ATP2B1: variants seen among roughly 807,000 people sequenced by gnomAD.
The protein encoded by ATP2B1 is plasma membrane calcium-transporting ATPase 1.
A neutral mutation model predicts 124.2 loss-of-function variants in ATP2B1; 14 were observed. That is an observed-to-expected ratio of 0.11 (90% confidence interval 0.07 to 0.18). ATP2B1 has a LOEUF of 0.18. ATP2B1 is among the 10% of genes least tolerant of loss of function. The pLI is 1.00. For missense variants in ATP2B1, 763 were observed against 1,466.1 expected, an observed-to-expected ratio of 0.52 and a Z score of 7.83; for synonymous variants, 449 against 492.4, an observed-to-expected ratio of 0.91 and a Z score of 1.17.
At chr12:89,682,300 T>C (rs1305616459) in intron 1 of ATP2B1, among the ~76,000 whole-genome samples, 1 of 152,196 alleles carries the variant, frequency 6.6e-6, no homozygotes, top group African/African-American at 2.4e-5. Context: ...GTAAATTTAA[T>C]GCAAGCCTAA....
intron 2 of ATP2B1, among the ~76,000 whole-genome samples, chr12:89,642,733 T>C (rs1883753046): frequency 6.6e-6 from 1 of 152,054 alleles, no homozygotes; most frequent in African/African-American, 2.4e-5. Flanking sequence ...CCTTCTCGAG[T>C]AGCTGGGACT....
intron 1 of ATP2B1, among the ~76,000 whole-genome samples, chr12:89,701,217 C>T (rs1370169283): frequency 6.6e-6 from 1 of 152,188 alleles, no homozygotes; most frequent in Non-Finnish European, 1.5e-5. Context: ...TGATATGATG[C>T]TCAGTCTTTG....
rs957473758 is a variant in ATP2B1 at position 89,589,621 on chromosome 12, T to C, written c.*1363A>G. On this transcript the variant is annotated 3_prime_UTR_variant, in exon 21 of 21. Coordinates refer to ENST00000428670, the MANE Select transcript of ATP2B1 (RefSeq NM_001366521.1). The stretch of plus-strand genomic sequence containing the variant: ...ATGAAGAGTATGTCAAATGGTAAAA[T>C]TGTGTTAATTTTCTTAATCTGATTC... 1 of 152,100 alleles carries C rather than the reference T, an allele frequency of 6.6e-6. No homozygotes were observed. The highest frequency in any genetic ancestry group is 2.4e-5 in the African/African-American group (1 of 41,416). The allele number at this position is 152,100 out of a possible 1,614,324, so 9.4% of individuals were successfully genotyped here. A position where few individuals can be genotyped will look rare whatever the true frequency, so the allele number is the denominator to read the frequency against.
chr12:89,705,958 A>G (rs1400437593), intron 1 of ATP2B1, among the ~76,000 whole-genome samples: 2 of 152,198 alleles, frequency 1.3e-5, no homozygotes, highest in African/African-American at 2.4e-5. Context: ...ACTATATGTA[A>G]TAATATCCAC....
intron 12 of ATP2B1, 39 bp from the exon 13 acceptor site, chr12:89,611,411 G>A: frequency 1.4e-6 from 2 of 1,455,952 alleles, no homozygotes; most frequent in Non-Finnish European, 1.8e-6. Context: ...AAGTTAATTT[G>A]GTATTTTTAG....
At chr12:89,677,963 TATATATATACACACACACACAC>T (rs1337528903) in intron 1 of ATP2B1, among the ~76,000 whole-genome samples, 1 of 100,864 alleles carries the variant, frequency 9.9e-6, no homozygotes, top group African/African-American at 3.6e-5. Flanking sequence ...ATTATATATA[TATATATATACACACACACACAC>T]ACACACACAC....
intron 1 of ATP2B1, among the ~76,000 whole-genome samples, chr12:89,675,913 T>A (rs956967146): frequency 6.6e-6 from 1 of 152,184 alleles, no homozygotes; most frequent in Admixed American, 6.5e-5. Flanking sequence ...AACATTCCCA[T>A]AAAATAACAT....
At chr12:89,648,053 T>C (rs1221610502) in intron 2 of ATP2B1, among the ~76,000 whole-genome samples, 2 of 152,184 alleles carry the variant, frequency 1.3e-5, no homozygotes, top group Non-Finnish European at 2.9e-5. Flanking sequence ...TCTTTATAAA[T>C]TACCCAGTCT....
chr12:89,615,752 ATACAG>A (rs1254357312), intron 12 of ATP2B1, among the ~76,000 whole-genome samples: 4 of 152,198 alleles, frequency 2.6e-5, no homozygotes, highest in Non-Finnish European at 5.9e-5. Flanking sequence ...CCAGTGGTCA[ATACAG>A]TACAGTAGTC....
intron 20 of ATP2B1, chr12:89,598,664 T>G: frequency 6.2e-7 from 1 of 1,614,040 alleles, no homozygotes; most frequent in Non-Finnish European, 8.5e-7. Context: ...TACATCATGA[T>G]GCTGGCTGGC....
intron 12 of ATP2B1, among the ~76,000 whole-genome samples, chr12:89,612,448 G>A (rs66853642): frequency 0.059 from 8,984 of 151,854 alleles, 359 homozygotes; most frequent in East Asian, 0.12. Flanking sequence ...ACAAACCCCC[G>A]AGACAAATGC....
chr12:89,694,325 A>G (rs1384078577), intron 1 of ATP2B1, among the ~76,000 whole-genome samples: 1 of 152,164 alleles, frequency 6.6e-6, no homozygotes, highest in African/African-American at 2.4e-5. Flanking sequence ...TGCCACTATA[A>G]TCTATGACTT....
Position 89,603,007 on chromosome 12 carries a change from C to A in ATP2B1, c.3060+36G>T, listed in dbSNP as rs1299173598. 2 of 1,588,784 alleles carry A rather than the reference C, an allele frequency of 1.3e-6. No homozygotes were observed. The highest frequency in any genetic ancestry group is 2.7e-5 in the African/African-American group (2 of 74,340). Reference sequence around the variant, plus strand: ...TGTTTACCTAATGTCTCCCATTTAACAGGCAAATTTGAAACTATCTTTTCC... The same window carrying A: ...TGTTTACCTAATGTCTCCCATTTAAAAGGCAAATTTGAAACTATCTTTTCC... On this transcript the variant is annotated intron_variant, in intron 18 of 20. Transcript: ENST00000428670. This position sits in a 1 kb window ranked among gnomAD's most constrained non-coding sequence, Gnocchi z 4.3.
chr12:89,637,740 A>G (rs1239531448), intron 3 of ATP2B1, among the ~76,000 whole-genome samples: 1 of 152,124 alleles, frequency 6.6e-6, no homozygotes, highest in East Asian at 1.9e-4. Flanking sequence ...ATATGCTGAA[A>G]ATATACAAAT....
At chr12:89,654,894 G>GTCCCT (rs1264793949) in intron 2 of ATP2B1, among the ~76,000 whole-genome samples, 3 of 151,980 alleles carry the variant, frequency 2.0e-5, no homozygotes, top group African/African-American at 4.8e-5. Flanking sequence ...CCTCATATGT[G>GTCCCT]TCCCTTCCCA....
At chr12:89,663,641 A>G (rs909685439) in intron 1 of ATP2B1, among the ~76,000 whole-genome samples, 7 of 152,052 alleles carry the variant, frequency 4.6e-5, no homozygotes, top group Admixed American at 4.6e-4. Flanking sequence ...ACTATCTCCC[A>G]CTCATAAATC....
chr12:89,675,315 A>T (rs548346235), intron 1 of ATP2B1, among the ~76,000 whole-genome samples: 3 of 152,328 alleles, frequency 2.0e-5, no homozygotes, highest in African/African-American at 7.2e-5. Context: ...CATAATGCGT[A>T]AATTTAACAG....
intron 1 of ATP2B1, among the ~76,000 whole-genome samples, chr12:89,693,938 C>T (rs1223934353): frequency 6.6e-6 from 1 of 152,158 alleles, no homozygotes; most frequent in African/African-American, 2.4e-5. Flanking sequence ...TCCTACACCT[C>T]TCTCCATTCT....
At chr12:89,671,777 T>TTTTG (rs1432134833) in intron 1 of ATP2B1, among the ~76,000 whole-genome samples, 1 of 150,932 alleles carries the variant, frequency 6.6e-6, no homozygotes, top group Non-Finnish European at 1.5e-5. Context: ...GGCAGTTTTT[T>TTTTG]TTTTTTTTTT....
Sources: gnomAD v4.1 joint callset for allele counts (sites outside exome capture counted in the v4.1 genomes callset) on GRCh38, gnomAD v4.1.1 for gene constraint, Gnocchi (gnomAD v3.1) non-coding constraint, MANE v1.5 for transcripts, NCBI Gene and HGNC (gene_info 2026-07-23, HGNC 2026-07-21) for gene names.